The following CECR2 variants were observed in gnomAD, a reference collection of about 807,000 sequenced individuals.
CECR2 encodes chromatin remodeling regulator CECR2.
In CECR2, 30 loss-of-function variants were observed where a neutral mutation model predicts 154.5. The ratio of observed to expected loss-of-function variants is 0.19; its 90% CI spans 0.15 to 0.26. The LOEUF is 0.26. Ranked by LOEUF, CECR2 falls within the 10% of genes least tolerant of loss-of-function variation. The pLI is 1.00. For missense variants in CECR2, 1,743 were observed against 1,829.3 expected (o/e 0.95, Z 0.86); for synonymous variants, 725 against 683.7 (o/e 1.06, Z -0.94).
At chr22:17,458,113 TATG>T (rs1456302952) in intron 1 of CECR2, among the ~76,000 whole-genome samples, 1 of 151,812 alleles carries the variant, frequency 6.6e-6, no homozygotes, top group African/African-American at 2.4e-5. Flanking sequence ...ACTCAATACA[TATG>T]ATAAAACTGC....
chr22:17,467,149 TG>T, intron 1 of CECR2, among the ~76,000 whole-genome samples: 1 of 152,312 alleles, frequency 6.6e-6, no homozygotes, highest in East Asian at 1.9e-4. Context: ...TTGAACAGTG[TG>T]ATAATCTTTT....
At chr22:17,503,301 G>T (rs2055773932) in intron 6 of CECR2, among the ~76,000 whole-genome samples, 170 bp downstream of exon 6, 1 of 152,120 alleles carries the variant, frequency 6.6e-6, no homozygotes, top group South Asian at 2.1e-4. Context: ...CCTGTGCCCA[G>T]CTCATCATCT....
intron 1 of CECR2, among the ~76,000 whole-genome samples, chr22:17,370,337 G>A (rs1453650866): frequency 1.3e-5 from 2 of 150,214 alleles, no homozygotes; most frequent in Non-Finnish European, 3.0e-5. Context: ...GGGCCCGCGC[G>A]GGATTAACTC....
intron 1 of CECR2, among the ~76,000 whole-genome samples, chr22:17,360,895 G>A (rs2062973562): frequency 6.6e-6 from 1 of 151,638 alleles, no homozygotes; most frequent in African/African-American, 2.4e-5. Flanking sequence ...AGGTACAGTG[G>A]CTCATGCCTA....
At chr22:17,497,701 T>C (rs1037107852) in intron 3 of CECR2, 115 bp downstream of exon 3, 125 of 968,634 alleles carry the variant, frequency 1.3e-4, no homozygotes, top group Non-Finnish European at 1.8e-4. Flanking sequence ...GGTACTAGTC[T>C]TGGTACTATT....
intron 1 of CECR2, among the ~76,000 whole-genome samples, chr22:17,418,426 T>C (rs1349589882): frequency 6.6e-6 from 1 of 152,218 alleles, no homozygotes; most frequent in African/African-American, 2.4e-5. Context: ...GGAACTGTAG[T>C]AGCCCCACAG....
At chr22:17,442,304 C>G (rs1226933955) in intron 1 of CECR2, among the ~76,000 whole-genome samples, 1 of 152,106 alleles carries the variant, frequency 6.6e-6, no homozygotes, top group African/African-American at 2.4e-5. Flanking sequence ...TGGCTCACAC[C>G]TATAATCCCA....
chr22:17,541,202 A>G (rs573199250), intron 14 of CECR2, among the ~76,000 whole-genome samples: 3 of 152,212 alleles, frequency 2.0e-5, no homozygotes, highest in Non-Finnish European at 2.9e-5. Context: ...CACTCTTGCA[A>G]TCCCAGCACT....
intron 16 of CECR2, among the ~76,000 whole-genome samples, 189 bp from the exon 17 acceptor site, chr22:17,547,959 G>A (rs1484417269): frequency 3.3e-5 from 5 of 152,098 alleles, no homozygotes; most frequent in South Asian, 2.1e-4. Context: ...CTTTGTGTCC[G>A]TGAAAGGGGT....
chr22:17,411,194 A>G (rs1479592843), intron 1 of CECR2, among the ~76,000 whole-genome samples: 3 of 152,194 alleles, frequency 2.0e-5, no homozygotes, highest in Non-Finnish European at 4.4e-5. Flanking sequence ...TTGGATTGAG[A>G]GAGTCATGTG....
At chr22:17,523,767 A>G (rs1012057420) in intron 8 of CECR2, among the ~76,000 whole-genome samples, 4 of 151,058 alleles carry the variant, frequency 2.6e-5, no homozygotes, top group Admixed American at 6.6e-5. Context: ...AAAAAAAAAA[A>G]AAAAAAAAGA....
At chr22:17,543,569 T>C (rs535706171) in intron 16 of CECR2, among the ~76,000 whole-genome samples, 227 of 151,884 alleles carry the variant, frequency 1.5e-3, no homozygotes, top group African/African-American at 5.1e-3. Context: ...CTGAGACTTT[T>C]TTTTTTTTTT....
At chr22:17,404,067 A>C (rs1217371157) in intron 1 of CECR2, among the ~76,000 whole-genome samples, 3 of 151,786 alleles carry the variant, frequency 2.0e-5, no homozygotes, top group African/African-American at 7.3e-5. Flanking sequence ...AGACTAGTCC[A>C]GCCAATGTGG....
intron 1 of CECR2, among the ~76,000 whole-genome samples, chr22:17,390,302 G>A (rs1042784419): frequency 1.3e-5 from 2 of 152,164 alleles, no homozygotes; most frequent in Non-Finnish European, 2.9e-5. Context: ...TGTTTTTGGC[G>A]GGAGTGCTGA....
chr22:17,496,390 C>T (rs1483120911), intron 2 of CECR2, among the ~76,000 whole-genome samples: 1 of 151,858 alleles, frequency 6.6e-6, no homozygotes, highest in Non-Finnish European at 1.5e-5. Flanking sequence ...GTCCCAGCTA[C>T]TCGGGAGGCT....
chr22:17,514,600 G>A lies in CECR2; in HGVS notation c.954+2704G>A, dbSNP rs73159541. On this transcript the variant is annotated intron_variant, in intron 8 of 18. Coordinates refer to ENST00000262608, the MANE Select transcript of CECR2 (RefSeq NM_001290047.2). Reference sequence around the variant, plus strand: ...GTGCAGGTTTATTTTTGCTTGGCCAGTTGTCATTCATTTGGTTGTACTGGT... The same window carrying A: ...GTGCAGGTTTATTTTTGCTTGGCCAATTGTCATTCATTTGGTTGTACTGGT... Among the ~76,000 whole-genome samples the A allele has an allele frequency of 2.8e-3, 423 of 152,274 alleles. 1 individual carries two copies. The highest frequency in any genetic ancestry group is 4.3e-3 in the Non-Finnish European group (294 of 68,024).
intron 7 of CECR2, among the ~76,000 whole-genome samples, chr22:17,505,314 A>T (rs536125500): frequency 6.6e-6 from 1 of 151,280 alleles, no homozygotes; most frequent in Non-Finnish European, 1.5e-5. Flanking sequence ...CTCAGGAAAC[A>T]TTCCTTGAGT....
rs140134078 is a variant in CECR2 at position 17,479,536 on chromosome 22, T to C, written c.221+1854T>C. ...GACTTGTGAACTGAGCCTTCACATA[T>C]GGGCTGTTTTCTCTCATAGGATATT... On this transcript the variant is annotated intron_variant, in intron 2 of 18. Coordinates refer to ENST00000262608, the MANE Select transcript of CECR2 (RefSeq NM_001290047.2). 1.9e-4 allele frequency among the ~76,000 whole-genome samples: 29 copies of C among 152,298 alleles called. No homozygotes were observed. The East Asian group carries it at 5.4e-3, about 28-fold the overall frequency.
At chr22:17,414,184 G>T (rs544053779) in intron 1 of CECR2, among the ~76,000 whole-genome samples, 1 of 151,714 alleles carries the variant, frequency 6.6e-6, no homozygotes, top group Non-Finnish European at 1.5e-5. Context: ...GTGTTAGCCA[G>T]GATGGTCTCG....
Sources: allele counts gnomAD v4.1 joint callset (sites outside exome capture counted in the v4.1 genomes callset), GRCh38; gene constraint gnomAD v4.1.1; transcripts MANE v1.5; gene names NCBI Gene and HGNC (gene_info 2026-07-23, HGNC 2026-07-21).